PITX1: variants seen among roughly 807,000 people sequenced by gnomAD.
The protein encoded by PITX1 is paired like homeodomain 1.
A neutral mutation model predicts 24.1 loss-of-function variants in PITX1; 5 were observed. That is an observed-to-expected ratio of 0.21 (90% confidence interval 0.11 to 0.44). The LOEUF is 0.44. Among genes scored for constraint, PITX1 ranks in the 20% least tolerant of loss-of-function variants. The probability of loss-of-function intolerance (pLI) is 0.99; values close to 1 mark genes in which losing one functional copy is unlikely to be tolerated. For synonymous variants in PITX1, 213 were observed against 208.9 expected (o/e 1.02, Z -0.17); for missense variants, 401 against 455.4 (o/e 0.88, Z 1.09).
rs1752383630 is a variant in PITX1 at position 135,028,362 on chromosome 5, G to A, written c.*417C>T. The stretch of plus-strand genomic sequence containing the variant: ...CGGCCACTCAGTCCGGATCCAGCGC[G>A]GCGGGGACGCGGGATACGAGGTCGT... On this transcript the variant is annotated 3_prime_UTR_variant, in exon 3 of 3. Transcript: ENST00000265340. 2 of 153,478 alleles carry A rather than the reference G, an allele frequency of 1.3e-5. No homozygotes were observed. Among genetic ancestry groups the A allele is most frequent in the South Asian group, 2.1e-4 (1 of 4,848 alleles). The allele number at this position is 153,478 out of a possible 1,614,324, so 9.5% of individuals were successfully genotyped here.
At position 135,033,808 on chromosome 5, in the gene PITX1, TG is replaced by T; in HGVS notation, c.73del (p.His25MetfsTer80). ...CAGGTGGAAGGCGGGCCCCATGTCA[TG>T]GGGTGGCGGCGGCGGCGGCCGGAGC... ...EGLRPPPPPP[H>X]DMGPAFHLAR... is the part of the protein sequence containing the mutation. On this transcript the variant is annotated frameshift_variant, in exon 1 of 3. Coordinates refer to ENST00000265340, the MANE Select transcript of PITX1 (RefSeq NM_002653.5). LOFTEE classifies it high-confidence loss of function. This position sits in a 1 kb window ranked among gnomAD's most constrained non-coding sequence, Gnocchi z 5.9. The T allele has an allele frequency of 6.4e-7, 1 of 1,564,356 alleles. No individual in the cohort carries two copies.
chr5:135,030,705 G>A (rs1056846914), intron 2 of PITX1, among the ~76,000 whole-genome samples: 3 of 152,212 alleles, frequency 2.0e-5, no homozygotes, highest in African/African-American at 7.2e-5. Flanking sequence ...CTTCCGGAAA[G>A]GGCAGAAGGC....
Position 135,028,745 on chromosome 5 carries a change from T to A in PITX1, c.*34A>T, listed in dbSNP as rs1361848890. 6.1e-6 allele frequency: 9 copies of A among 1,482,772 alleles called. No individual in the cohort carries two copies. The highest frequency in any genetic ancestry group is 2.2e-5 in the Admixed American group (1 of 44,450). The allele number at this position is 1,482,772 out of a possible 1,614,324, so 91.9% of individuals were successfully genotyped here. A position where few individuals can be genotyped will look rare whatever the true frequency, so the allele number is the denominator to read the frequency against. On this transcript the variant is annotated 3_prime_UTR_variant, in exon 3 of 3. Coordinates refer to ENST00000265340, the MANE Select transcript of PITX1 (RefSeq NM_002653.5). ...CGCCCGCGCCCGCGCCCTTCCCCGC[T>A]CCGGCCGCCGGCCCGCGTGGTGCGG...
rs1752381665 is a variant in PITX1 at position 135,028,260 on chromosome 5, C to CG, written c.*518dup. Reference sequence around the variant, plus strand: ...AAGGCGCTCTCGGCCGGGCCTAGCTCGGAGAGGGCAACTTGGTTTGTACGG... The same window carrying CG: ...AAGGCGCTCTCGGCCGGGCCTAGCTCGGGAGAGGGCAACTTGGTTTGTACGG... On this transcript the variant is annotated 3_prime_UTR_variant, in exon 3 of 3. Transcript: ENST00000265340. 1 of 152,326 alleles carries CG rather than the reference C, an allele frequency of 6.6e-6. No individual in the cohort carries two copies. The highest frequency in any genetic ancestry group is 1.5e-5 in the Non-Finnish European group (1 of 68,106). 9.4% of individuals were successfully genotyped at this position (152,326 alleles called of 1,614,324 possible).
intron 1 of PITX1, 79 bp from the exon 2 acceptor site, chr5:135,031,587 G>GCCACCAGC: frequency 8.5e-7 from 1 of 1,181,288 alleles, no homozygotes; most frequent in East Asian, 2.5e-5. Flanking sequence ...CGAACCGCTC[G>GCCACCAGC]CCACCAGCGC....
intron 2 of PITX1, 72 bp downstream of exon 2, chr5:135,031,204 T>G: frequency 8.7e-7 from 1 of 1,143,706 alleles, no homozygotes; most frequent in Non-Finnish European, 1.3e-6. Flanking sequence ...GGTCTAAGCT[T>G]TGGAGGGCTG....
chr5:135,029,196 G>T lies in PITX1; in HGVS notation c.528C>A (p.Ala176=). Residue 176 remains alanine, a synonymous_variant, in exon 3 of 3, where the codon GCC becomes GCA. Transcript: ENST00000265340. The part of the protein sequence containing the change: ...GLVQPYEDVY[A]AGYSYNNWAA... The stretch of plus-strand genomic sequence containing the variant: ...CCCAGTTGTTGTAGGAGTAGCCGGC[G>T]GCGTACACGTCCTCGTAGGGCTGCA... 2 of 1,614,214 alleles carry T rather than the reference G, an allele frequency of 1.2e-6. No individual in the cohort carries two copies. Among genetic ancestry groups the T allele is most frequent in the Non-Finnish European group, 1.7e-6 (2 of 1,180,046 alleles).
At chr5:135,031,542 G>A in intron 1 of PITX1, 34 bp from the exon 2 acceptor site, 1 of 1,553,228 alleles carries the variant, frequency 6.4e-7, no homozygotes. Context: ...GGGTCACCTG[G>A]GCTTACGCCC....
rs1752523942 is a variant in PITX1 at position 135,034,155 on chromosome 5, CTCCG to C, written c.-278_-275del. 1 of 49,532 alleles carries C rather than the reference CTCCG, an allele frequency of 2.0e-5. No homozygotes were observed. Among genetic ancestry groups the C allele is most frequent in the African/African-American group, 2.5e-4 (1 of 3,928 alleles). The allele number at this position is 49,532 out of a possible 1,614,324, so 3.1% of individuals were successfully genotyped here. A position where few individuals can be genotyped will look rare whatever the true frequency, so the allele number is the denominator to read the frequency against. ...GCCTCAGCAGCCCGGCCGGCCCCGGCTCCGGCTCCGGCTCCGGCTCGCGATCCGG... is the reference window on the plus strand; with the variant it reads ...GCCTCAGCAGCCCGGCCGGCCCCGGCGCTCCGGCTCCGGCTCGCGATCCGG... On this transcript the variant is annotated 5_prime_UTR_variant, in exon 1 of 3. Coordinates refer to ENST00000265340, the MANE Select transcript of PITX1 (RefSeq NM_002653.5).
chr5:135,033,621 T>C lies in PITX1; in HGVS notation c.169+92A>G, dbSNP rs1752504540. The C allele has an allele frequency of 1.0e-5, 13 of 1,303,880 alleles. No individual in the cohort carries two copies. Among genetic ancestry groups the C allele is most frequent in the African/African-American group, 8.8e-5 (6 of 67,824 alleles). The allele number at this position is 1,303,880 out of a possible 1,614,324, so 80.8% of individuals were successfully genotyped here. A position where few individuals can be genotyped will look rare whatever the true frequency, so the allele number is the denominator to read the frequency against. The stretch of plus-strand genomic sequence containing the variant: ...CTTCTGGGGCGGAGAGGGAGCTTGG[T>C]TGCGCGGCGCGGGCGTCAGGCCCTG... On this transcript the variant is annotated intron_variant, in intron 1 of 2. Coordinates refer to ENST00000265340, the MANE Select transcript of PITX1 (RefSeq NM_002653.5). This position sits in a 1 kb window ranked among gnomAD's most constrained non-coding sequence, Gnocchi z 5.9.
At position 135,031,453 on chromosome 5, in the gene PITX1, C is replaced by T. The variant is rs764394987; in HGVS notation, c.225G>A (p.Thr75=). Reference sequence around the variant, plus strand: ...CTGGGTCGTCTGCGCCGCCGCAGCCCGTGCCTCCCGCACCACTGTCCTCGG... The same window carrying T: ...CTGGGTCGTCTGCGCCGCCGCAGCCTGTGCCTCCCGCACCACTGTCCTCGG... ...KGPEDSGAGG[T]GCGGADDPAK... The change falls in exon 2 of 3, where the codon ACG becomes ACA. Residue 75 remains threonine, a synonymous_variant. Transcript: ENST00000265340. 4 of 1,613,864 alleles carry T rather than the reference C, an allele frequency of 2.5e-6. No individual in the cohort carries two copies. The highest frequency in any genetic ancestry group is 1.3e-5 in the African/African-American group (1 of 75,060).
chr5:135,029,151 T>A lies in PITX1; in HGVS notation c.573A>T (p.Pro191=). Residue 191 remains proline (P), a synonymous_variant, in exon 3 of 3, where the codon CCA becomes CCT. Coordinates refer to ENST00000265340, the MANE Select transcript of PITX1 (RefSeq NM_002653.5). The stretch of plus-strand genomic sequence containing the variant: ...TGAAGCTCTTGGTGGAGAGCGGCGC[T>A]GGCGCCAGGCTCTTGGCGGCCCAGT... ...YNNWAAKSLA[P]APLSTKSFTF... is the part of the protein sequence containing the mutation. 1 of 1,614,176 alleles carries A rather than the reference T, an allele frequency of 6.2e-7. No homozygotes were observed. The highest frequency in any genetic ancestry group is 8.5e-7 in the Non-Finnish European group (1 of 1,180,028).
chr5:135,029,301 TCGCC>T lies in PITX1; in HGVS notation c.419_422del (p.Arg140GlnfsTer27). 1 of 1,600,262 alleles carries T rather than the reference TCGCC, an allele frequency of 6.2e-7. No homozygotes were observed. Among genetic ancestry groups the T allele is most frequent in the South Asian group, 1.1e-5 (1 of 88,816 alleles). ...TACGCTCGCGCTTACGCCACTTGGCTCGCCGGTTCTTGAACCAGACCTGGGGGAG... is the reference window on the plus strand; with the variant it reads ...TACGCTCGCGCTTACGCCACTTGGCTGGTTCTTGAACCAGACCTGGGGGAG... On this transcript the variant is annotated frameshift_variant, in exon 3 of 3. Transcript: ENST00000265340. LOFTEE classifies it high-confidence loss of function.
At position 135,029,353 on chromosome 5, in the gene PITX1, C is replaced by T. The variant is rs566827552; in HGVS notation, c.403-32G>A. The T allele has an allele frequency of 1.0e-5, 16 of 1,540,722 alleles. No individual in the cohort carries two copies. The South Asian group carries it at 1.3e-4, about 12-fold the overall frequency. Reference sequence around the variant, plus strand: ...GAGGGGACGGGAGAAGGGTCAGGGCCGCTGCGGGCCGGGAGGGACCCCACC... The same window carrying T: ...GAGGGGACGGGAGAAGGGTCAGGGCTGCTGCGGGCCGGGAGGGACCCCACC... On this transcript the variant is annotated intron_variant, in intron 2 of 2. Coordinates refer to ENST00000265340, the MANE Select transcript of PITX1 (RefSeq NM_002653.5).
intron 1 of PITX1, 197 bp from the exon 2 acceptor site, chr5:135,031,705 G>A (rs191932784): frequency 6.7e-6 from 4 of 599,808 alleles, no homozygotes; most frequent in African/African-American, 5.6e-5. Context: ...CTGGTGTGCC[G>A]CGGAGAAGAG....
In PITX1 at chr5:135,028,744, C is replaced by A; in HGVS notation, c.*35G>T. ...GCGCCCGCGCCCGCGCCCTTCCCCG[C>A]TCCGGCCGCCGGCCCGCGTGGTGCG... On this transcript the variant is annotated 3_prime_UTR_variant, in exon 3 of 3. Transcript: ENST00000265340. 2 of 1,480,716 alleles carry A rather than the reference C, an allele frequency of 1.4e-6. No individual in the cohort carries two copies. Among genetic ancestry groups the A allele is most frequent in the African/African-American group, 1.4e-5 (1 of 71,274 alleles). 91.7% of individuals were successfully genotyped at this position (1,480,716 alleles called of 1,614,324 possible). A position where few individuals can be genotyped will look rare whatever the true frequency, so the allele number is the denominator to read the frequency against.
chr5:135,031,585 T>C, intron 1 of PITX1, 77 bp from the exon 2 acceptor site: 5 of 1,203,812 alleles, frequency 4.2e-6, no homozygotes, highest in Non-Finnish European at 5.8e-6. Flanking sequence ...ACCGAACCGC[T>C]CGCCACCAGC....
intron 2 of PITX1, among the ~76,000 whole-genome samples, chr5:135,030,034 C>T (rs1323035465): frequency 6.6e-6 from 1 of 152,128 alleles, no homozygotes; most frequent in East Asian, 1.9e-4. Context: ...AATTTCTTTC[C>T]TGCCGCCTAA....
rs1452998414 is a variant in PITX1, at chr5:135,029,054, T to C, written c.670A>G (p.Thr224Ala). 6.2e-7 allele frequency: 1 copy of C among 1,613,988 alleles called. No homozygotes were observed. The highest frequency in any genetic ancestry group is 8.5e-7 in the Non-Finnish European group (1 of 1,180,008). The change falls in exon 3 of 3, where the codon ACC becomes GCC. Residue 224 changes from threonine (T) to alanine (A), a missense_variant. By Grantham distance (58) the Thr-to-Ala change is moderately conservative. Coordinates refer to ENST00000265340, the MANE Select transcript of PITX1 (RefSeq NM_002653.5). ...FSAPSSISSM[T>A]MPSSMGPGAV... is the part of the protein sequence containing the mutation. ...CCTGGGCCCATGCTGGACGGCATGGTCATGGAGGAGATGGAGCTGGGTGCT... is the reference window on the plus strand; with the variant it reads ...CCTGGGCCCATGCTGGACGGCATGGCCATGGAGGAGATGGAGCTGGGTGCT...
Sources: gnomAD v4.1 joint callset for allele counts (sites outside exome capture counted in the v4.1 genomes callset) on GRCh38, gnomAD v4.1.1 for gene constraint, Gnocchi (gnomAD v3.1) non-coding constraint, MANE v1.5 for transcripts, NCBI Gene and HGNC (gene_info 2026-07-23, HGNC 2026-07-21) for gene names.